Variants in LDB2 observed in about 807,000 individuals in gnomAD.
LDB2 encodes LIM domain binding 2.
Under a neutral mutation model 44.3 loss-of-function variants are expected in LDB2, and 12 were observed. The observed-to-expected ratio is 0.27, with a 90% CI of 0.17 to 0.44. The LOEUF is 0.44. Ranked by LOEUF, LDB2 falls within the 20% of genes least tolerant of loss-of-function variation. The pLI is 1.00. For synonymous variants in LDB2, 164 were observed against 174.8 expected (o/e 0.94, Z 0.49); for missense variants, 344 against 473.5 (o/e 0.73, Z 2.54).
At chr4:16,816,006 G>A (rs1473638612) in intron 1 of LDB2, among the ~76,000 whole-genome samples, 2 of 152,160 alleles carry the variant, frequency 1.3e-5, no homozygotes, top group African/African-American at 4.8e-5. Flanking sequence ...TCAGAAGTTC[G>A]AGACCAGCCT....
intron 1 of LDB2, among the ~76,000 whole-genome samples, chr4:16,778,806 C>G (rs985669738): frequency 2.6e-5 from 4 of 152,152 alleles, no homozygotes; most frequent in Non-Finnish European, 5.9e-5. Flanking sequence ...GCTAGAAAAG[C>G]TTAGCAACTT....
intron 2 of LDB2, among the ~76,000 whole-genome samples, chr4:16,758,814 A>G (rs1166566608): frequency 6.6e-6 from 1 of 152,222 alleles, no homozygotes; most frequent in African/African-American, 2.4e-5. Context: ...GAAGCAGAAC[A>G]TTGGATGTCA....
At chr4:16,862,869 T>C (rs16894103) in intron 1 of LDB2, among the ~76,000 whole-genome samples, 77 of 152,224 alleles carry the variant, frequency 5.1e-4, no homozygotes, top group African/African-American at 1.8e-3. Flanking sequence ...TTTGAACTTC[T>C]TTGTGCAACT....
chr4:16,776,667 T>A (rs1771975591), intron 1 of LDB2, among the ~76,000 whole-genome samples: 1 of 152,238 alleles, frequency 6.6e-6, no homozygotes, highest in Non-Finnish European at 1.5e-5. Flanking sequence ...GAAGACCCTG[T>A]ATACTAGCGG....
chr4:16,614,454 A>G (rs1726553766), intron 2 of LDB2, among the ~76,000 whole-genome samples: 1 of 152,176 alleles, frequency 6.6e-6, no homozygotes, highest in South Asian at 2.1e-4. Context: ...CTGCACAGCA[A>G]AGGAAACTAT....
Position 16,517,908 on chromosome 4 carries a change from TG to T in LDB2, c.616-5805del, listed in dbSNP as rs1420402066. On this transcript the variant is annotated intron_variant, in intron 5 of 7. Transcript: ENST00000304523. Reference sequence around the variant, plus strand: ...ATGGATGGATGGATGGATGGATGGATGGATGGATGGATGGATGGATAATAGA... The same window carrying T: ...ATGGATGGATGGATGGATGGATGGATGATGGATGGATGGATGGATAATAGA... 6.9e-4 allele frequency among the ~76,000 whole-genome samples: 105 copies of T among 152,014 alleles called. No individual in the cohort carries two copies. The East Asian group carries it at 0.018, about 26-fold the overall frequency.
chr4:16,714,364 C>T (rs148854135), intron 2 of LDB2, among the ~76,000 whole-genome samples: 1 of 152,320 alleles, frequency 6.6e-6, no homozygotes, highest in African/African-American at 2.4e-5. Flanking sequence ...CTGGCTTCAG[C>T]TGGCCTGGGC....
At chr4:16,749,728 G>A (rs866152030) in intron 2 of LDB2, among the ~76,000 whole-genome samples, 11 of 151,856 alleles carry the variant, frequency 7.2e-5, no homozygotes, top group Non-Finnish European at 1.3e-4. Flanking sequence ...AAAACTGTAG[G>A]TTTAATAATG....
chr4:16,847,229 C>T (rs999143824), intron 1 of LDB2, among the ~76,000 whole-genome samples: 16 of 152,090 alleles, frequency 1.1e-4, no homozygotes, highest in Admixed American at 3.9e-4. Context: ...AGACTATCAA[C>T]ACCAAATAAT....
intron 2 of LDB2, among the ~76,000 whole-genome samples, chr4:16,753,589 G>C (rs1765893845): frequency 6.6e-6 from 1 of 152,166 alleles, no homozygotes; most frequent in African/African-American, 2.4e-5. Flanking sequence ...GAAAAGAAAA[G>C]CACAGAGAGT....
intron 1 of LDB2, among the ~76,000 whole-genome samples, chr4:16,865,079 C>T (rs955907846): frequency 8.6e-5 from 13 of 151,756 alleles, no homozygotes; most frequent in Admixed American, 2.0e-4. Context: ...GGTGAAACCC[C>T]GTCTCGTCTA....
At chr4:16,661,590 G>C (rs1450397589) in intron 2 of LDB2, among the ~76,000 whole-genome samples, 1 of 152,154 alleles carries the variant, frequency 6.6e-6, no homozygotes. Flanking sequence ...TACCTACTAA[G>C]TGTTTGCTGT....
intron 2 of LDB2, among the ~76,000 whole-genome samples, chr4:16,659,083 C>T (rs780341616): frequency 6.6e-6 from 1 of 152,190 alleles, no homozygotes; most frequent in Non-Finnish European, 1.5e-5. Flanking sequence ...AACATGAATA[C>T]GAGCACCACC....
intron 2 of LDB2, among the ~76,000 whole-genome samples, chr4:16,653,152 A>C (rs1160382897): frequency 6.6e-6 from 1 of 152,088 alleles, no homozygotes; most frequent in South Asian, 2.1e-4. Flanking sequence ...CAGCTGATAG[A>C]GCCACCGGGT....
At chr4:16,666,137 A>G (rs1179162457) in intron 2 of LDB2, among the ~76,000 whole-genome samples, 2 of 152,220 alleles carry the variant, frequency 1.3e-5, no homozygotes, top group African/African-American at 2.4e-5. Context: ...TAGCTGCGAC[A>G]TGAAACAGAA....
chr4:16,813,587 A>T (rs1289699761), intron 1 of LDB2, among the ~76,000 whole-genome samples: 1 of 152,036 alleles, frequency 6.6e-6, no homozygotes, highest in East Asian at 1.9e-4. Context: ...TTTATATGAT[A>T]TTTTTCATTT....
chr4:16,555,298 G>C (rs1739156852), intron 5 of LDB2, among the ~76,000 whole-genome samples: 1 of 152,216 alleles, frequency 6.6e-6, no homozygotes, highest in African/African-American at 2.4e-5. Context: ...AAGTTTATAA[G>C]AGGTGTCACA....
intron 2 of LDB2, among the ~76,000 whole-genome samples, chr4:16,629,122 A>G (rs1385009259): frequency 6.6e-6 from 1 of 152,242 alleles, no homozygotes; most frequent in African/African-American, 2.4e-5. Flanking sequence ...GTGGCAGGGA[A>G]GCTCAAACTG....
intron 1 of LDB2, among the ~76,000 whole-genome samples, chr4:16,885,982 G>A (rs1039203841): frequency 2.0e-5 from 3 of 152,252 alleles, no homozygotes; most frequent in African/African-American, 7.2e-5. Flanking sequence ...TTGGGAGGCC[G>A]AAGCAAGAGG....
Sources: allele counts gnomAD v4.1 joint callset (sites outside exome capture counted in the v4.1 genomes callset), GRCh38; gene constraint gnomAD v4.1.1; transcripts MANE v1.5; gene names NCBI Gene and HGNC (gene_info 2026-07-23, HGNC 2026-07-21).